Variants in DRC4 observed in about 807,000 individuals in gnomAD.
The protein encoded by DRC4 is dynein regulatory complex subunit 4, also known as GAS-11.
chr16:90,023,046 C>T, the DRC4 span, among the ~76,000 whole-genome samples: 2 of 152,172 alleles, frequency 1.3e-5, no homozygotes, highest in African/African-American at 2.4e-5. Context: ...GACTCTCATC[C>T]TGGAATGGCA....
At chr16:90,028,049 T>C in the DRC4 span, 1 of 259,704 alleles carries the variant, frequency 3.9e-6, no homozygotes, top group East Asian at 7.3e-5. Flanking sequence ...TGTATAGACT[T>C]ATCGTAGAAC....
the DRC4 span, among the ~76,000 whole-genome samples, chr16:90,026,256 T>C: frequency 6.6e-6 from 1 of 152,152 alleles, no homozygotes; most frequent in Admixed American, 6.5e-5. Flanking sequence ...CAGACAGAAC[T>C]GCTCCTGGTG....
chr16:90,028,093 A>G, the DRC4 span: 87,207 of 165,094 alleles, frequency 0.53, 24,294 homozygotes, highest in East Asian at 0.96. Context: ...TTTATTCACC[A>G]TTAAACATTA....
chr16:90,041,755 C>T, the DRC4 span, among the ~76,000 whole-genome samples: 15 of 151,956 alleles, frequency 9.9e-5, no homozygotes, highest in South Asian at 2.1e-4. Context: ...GCCTAGATCG[C>T]GCCACTGCAC....
the DRC4 span, chr16:90,031,497 G>T: frequency 6.4e-7 from 1 of 1,557,014 alleles, no homozygotes; most frequent in Non-Finnish European, 8.7e-7. Flanking sequence ...GGAGATCAAG[G>T]TGAGTGGGGC....
chr16:90,021,538 C>A, the DRC4 span, among the ~76,000 whole-genome samples: 1 of 151,796 alleles, frequency 6.6e-6, no homozygotes, highest in Admixed American at 6.6e-5. Context: ...CCCACCTCAA[C>A]CTCCCAAGTA....
the DRC4 span, chr16:90,032,617 G>A: frequency 7.8e-6 from 8 of 1,020,804 alleles, no homozygotes; most frequent in Non-Finnish European, 1.1e-5. Flanking sequence ...CAGGTGAGGA[G>A]GTGTGGTACA....
the DRC4 span, among the ~76,000 whole-genome samples, chr16:90,026,475 T>C: frequency 6.6e-6 from 1 of 152,200 alleles, no homozygotes; most frequent in Non-Finnish European, 1.5e-5. Context: ...AGGAAACTTG[T>C]GGTTGTCACA....
chr16:90,039,178 C>T, the DRC4 span, among the ~76,000 whole-genome samples: 3 of 152,144 alleles, frequency 2.0e-5, no homozygotes, highest in East Asian at 5.8e-4. Flanking sequence ...TTCCTTCTCC[C>T]TGTGGGTTTT....
chr16:90,044,258 A>G, the DRC4 span: 6 of 448,864 alleles, frequency 1.3e-5, no homozygotes, highest in Admixed American at 2.5e-5. Context: ...GGGATGAATC[A>G]CCCTTGGCCC....
chr16:90,020,148 A>AT, the DRC4 span: 3 of 542,994 alleles, frequency 5.5e-6, no homozygotes, highest in Admixed American at 1.1e-4. Context: ...ACATTAGATC[A>AT]TTGCATTTGT....
chr16:90,022,705 G>C, the DRC4 span: 1 of 1,425,150 alleles, frequency 7.0e-7, no homozygotes, highest in East Asian at 3.0e-5. Context: ...TCGCCGCTGG[G>C]CCTGTCCGCT....
chr16:90,044,202 C>A, the DRC4 span: 1 of 453,940 alleles, frequency 2.2e-6, no homozygotes, highest in Non-Finnish European at 4.4e-6. Context: ...AGGTTAGGCC[C>A]AGAGAGCTGG....
chr16:90,030,120 T>A, the DRC4 span, among the ~76,000 whole-genome samples: 12 of 152,164 alleles, frequency 7.9e-5, 1 homozygote. Context: ...CATTTTTTTT[T>A]AACCTATTTG....
At chr16:90,025,983 G>A in the DRC4 span, among the ~76,000 whole-genome samples, 1 of 152,198 alleles carries the variant, frequency 6.6e-6, no homozygotes, top group East Asian at 1.9e-4. Context: ...GGGCACAGCA[G>A]CAGTGAACTC....
the DRC4 span, chr16:90,037,059 A>G: frequency 1.6e-6 from 1 of 633,916 alleles, no homozygotes; most frequent in Non-Finnish European, 2.8e-6. Context: ...AACTCAGAAT[A>G]AGTTGAAGCT....
chr16:90,038,920 T>G, the DRC4 span, among the ~76,000 whole-genome samples: 1 of 152,222 alleles, frequency 6.6e-6, no homozygotes, highest in South Asian at 2.1e-4. Flanking sequence ...CATCTTATCT[T>G]GAGCCGCAGT....
the DRC4 span, among the ~76,000 whole-genome samples, chr16:90,038,294 G>A: frequency 6.6e-6 from 1 of 152,194 alleles, no homozygotes; most frequent in African/African-American, 2.4e-5. Flanking sequence ...CAGGTTTCCT[G>A]CATGCTCTCG....
the DRC4 span, among the ~76,000 whole-genome samples, chr16:90,033,402 A>G: frequency 6.6e-6 from 1 of 152,052 alleles, no homozygotes; most frequent in Non-Finnish European, 1.5e-5. Flanking sequence ...AGTGGCTCAC[A>G]CCCAAAATCC....
Sources: gnomAD v4.1 joint callset for allele counts (sites outside exome capture counted in the v4.1 genomes callset) on GRCh38, gnomAD v4.1.1 for gene constraint, MANE v1.5 for transcripts, NCBI Gene and HGNC (gene_info 2026-07-23, HGNC 2026-07-21) for gene names.